DEPDC5: variants seen among roughly 807,000 people sequenced by gnomAD.
The protein encoded by DEPDC5 is GATOR1 complex protein DEPDC5.
DEPDC5 carries 73 observed loss-of-function variants against 217.3 expected under a neutral mutation model. The observed-to-expected ratio is 0.34, with a 90% CI of 0.28 to 0.41. DEPDC5 has a LOEUF of 0.41. DEPDC5 is among the 10% of genes least tolerant of loss of function. The probability of loss-of-function intolerance (pLI) is 1.00; values close to 1 mark genes in which losing one functional copy is unlikely to be tolerated. For synonymous variants in DEPDC5, 733 were observed against 756.7 expected (o/e 0.97, Z 0.51); for missense variants, 1,675 against 2,070.1 (o/e 0.81, Z 3.70).
Position 31,778,171 on chromosome 22 carries a change from A to C in DEPDC5, c.483+3A>C, listed in dbSNP as rs1458285125. ...GCTACATCAGTGAAGATACCAGGGT[A>C]AGATTTATAAAATGCTTTTTTGGTT... is the stretch of plus-strand genomic sequence containing the variant. On this transcript the variant is annotated splice_donor_region_variant and intron_variant, in intron 8 of 42. Coordinates refer to ENST00000651528, the MANE Select transcript of DEPDC5 (RefSeq NM_001242896.3). 6.2e-7 allele frequency: 1 copy of C among 1,614,014 alleles called. No individual in the cohort carries two copies. Among genetic ancestry groups the C allele is most frequent in the Non-Finnish European group, 8.5e-7 (1 of 1,179,886 alleles).
intron 33 of DEPDC5, among the ~76,000 whole-genome samples, chr22:31,864,526 T>TATATATATATATATATATATATATATATA (rs1335760559): frequency 3.4e-5 from 4 of 117,866 alleles, no homozygotes; most frequent in East Asian, 2.3e-4. Flanking sequence ...ATATATATAT[T>TATATATATATATATATATATATATATATA]TATATATTTA....
intron 24 of DEPDC5, among the ~76,000 whole-genome samples, chr22:31,823,910 C>G (rs1422764175): frequency 1.3e-5 from 2 of 152,048 alleles, no homozygotes; most frequent in Admixed American, 1.3e-4. Context: ...GAGCTTGGAT[C>G]AGTAGGGGCA....
intron 24 of DEPDC5, among the ~76,000 whole-genome samples, chr22:31,823,532 CAAAAAAAAAA>C (rs375009177): frequency 0.07 from 3,660 of 52,262 alleles, 59 homozygotes; most frequent in African/African-American, 0.12. Context: ...GACTCCATCT[CAAAAAAAAAA>C]AAAAAAAAAA....
chr22:31,794,603 G>T (rs2086035223), intron 12 of DEPDC5, among the ~76,000 whole-genome samples: 1 of 152,012 alleles, frequency 6.6e-6, no homozygotes, highest in African/African-American at 2.4e-5. Context: ...TCACAAAATA[G>T]GCCAGGCGTG....
intron 12 of DEPDC5, among the ~76,000 whole-genome samples, chr22:31,795,287 C>G (rs1430063579): frequency 6.6e-6 from 1 of 151,874 alleles, no homozygotes; most frequent in Non-Finnish European, 1.5e-5. Flanking sequence ...CCAGGCTGGT[C>G]TTGAACTCCT....
At chr22:31,755,962 T>A (rs1460739804) in intron 2 of DEPDC5, among the ~76,000 whole-genome samples, 1 of 151,506 alleles carries the variant, frequency 6.6e-6, no homozygotes, top group Non-Finnish European at 1.5e-5. Context: ...AACCTCCACC[T>A]CCCAGGTTCA....
At chr22:31,813,419 T>G (rs1185275833) in intron 20 of DEPDC5, among the ~76,000 whole-genome samples, 1 of 152,198 alleles carries the variant, frequency 6.6e-6, no homozygotes, top group Non-Finnish European at 1.5e-5. Context: ...AAGCGTATAC[T>G]GGTGTTTAAA....
chr22:31,847,077 T>A, intron 31 of DEPDC5, 110 bp downstream of exon 31: 1 of 1,482,218 alleles, frequency 6.7e-7, no homozygotes, highest in Admixed American at 2.0e-5. Flanking sequence ...GAGCTTGTAA[T>A]TAGGGAGAAG....
chr22:31,847,648 A>T (rs2091818451), intron 31 of DEPDC5, among the ~76,000 whole-genome samples: 1 of 152,160 alleles, frequency 6.6e-6, no homozygotes, highest in African/African-American at 2.4e-5. Context: ...AACTGCCCCC[A>T]TGATTAATTT....
In DEPDC5 at chr22:31,843,746, G is replaced by A. The variant is rs781159677; in HGVS notation, c.2735G>A (p.Arg912Gln). The change falls in exon 29 of 43, where the codon CGG (arginine) becomes CAG (glutamine). Residue 912 changes from arginine to glutamine, a missense_variant. Physicochemically the swap from Arg to Gln is conservative, Grantham distance 43. This residue lies in a region of DEPDC5 where 293 missense variants were observed against 386.1 expected (regional missense o/e 0.76). Transcript: ENST00000651528. ...TGCTGGGTGGAATTCTCCCACGAACGGCTGGAGGAGTACAAGTGGAATTAC... is the reference window on the plus strand; with the variant it reads ...TGCTGGGTGGAATTCTCCCACGAACAGCTGGAGGAGTACAAGTGGAATTAC... The part of the protein sequence containing the change: ...VSCWVEFSHE[R>Q]LEEYKWNYLD... 2.2e-5 allele frequency: 36 copies of A among 1,614,054 alleles called. 1 individual carries two copies. Among genetic ancestry groups the A allele is most frequent in the South Asian group, 3.3e-5 (3 of 91,068 alleles).
At position 31,768,859 on chromosome 22, in the gene DEPDC5, A is replaced by G; in HGVS notation, c.409A>G (p.Ile137Val). The change falls in exon 7 of 43, where the codon ATC (isoleucine) becomes GTC (valine). Residue 137 changes from isoleucine (I) to valine (V), a missense_variant. This residue lies in a region of DEPDC5 where 628 missense variants were observed against 762.1 expected (regional missense o/e 0.82). Transcript: ENST00000651528. ...CACCCAGAAGGTGGAGTTTGCTGGC[A>G]TCAGGTAGATATTACATCACTCTTG... ...YITQKVEFAG[I>V]RAQAGELWVK... is the part of the protein sequence containing the mutation. 6.2e-7 allele frequency: 1 copy of G among 1,613,812 alleles called. No individual in the cohort carries two copies. Among genetic ancestry groups the G allele is most frequent in the Non-Finnish European group, 8.5e-7 (1 of 1,179,920 alleles).
At chr22:31,887,131 G>C (rs2093336293) in intron 38 of DEPDC5, among the ~76,000 whole-genome samples, 1 of 149,780 alleles carries the variant, frequency 6.7e-6, no homozygotes, top group Admixed American at 6.7e-5. Flanking sequence ...AGAAAAGTAA[G>C]TCATAGGCCG....
intron 2 of DEPDC5, among the ~76,000 whole-genome samples, chr22:31,757,726 G>A (rs1813902394): frequency 6.6e-6 from 1 of 152,108 alleles, no homozygotes; most frequent in African/African-American, 2.4e-5. Flanking sequence ...TAGTAGAGGG[G>A]CAGGGGTAGA....
At chr22:31,795,065 ATTTTTTTTTTT>A (rs983604458) in intron 12 of DEPDC5, among the ~76,000 whole-genome samples, 1 of 107,370 alleles carries the variant, frequency 9.3e-6, no homozygotes, top group Admixed American at 1.1e-4. Context: ...ATTCCATGTG[ATTTTTTTTTTT>A]TTTTTTTTTT....
intron 33 of DEPDC5, among the ~76,000 whole-genome samples, chr22:31,866,453 T>G (rs2092691803): frequency 6.6e-6 from 1 of 152,158 alleles, no homozygotes; most frequent in African/African-American, 2.4e-5. Flanking sequence ...TGGCGTGATC[T>G]CAGCTCACTG....
intron 24 of DEPDC5, among the ~76,000 whole-genome samples, chr22:31,824,357 A>C (rs1177782731): frequency 1.3e-5 from 2 of 152,160 alleles, no homozygotes; most frequent in East Asian, 3.9e-4. Flanking sequence ...AAAAGAAAAA[A>C]AAAAAGAAAG....
intron 22 of DEPDC5, 87 bp downstream of exon 22, chr22:31,819,312 G>T (rs1321146163): frequency 1.3e-5 from 18 of 1,432,540 alleles, no homozygotes; most frequent in Non-Finnish European, 1.5e-5. Flanking sequence ...CCTTGGTCAG[G>T]TGCCTCTGTT....
intron 14 of DEPDC5, among the ~76,000 whole-genome samples, chr22:31,799,578 G>T (rs1246717403): frequency 6.7e-6 from 1 of 149,030 alleles, no homozygotes; most frequent in East Asian, 2.0e-4. Context: ...CGCCTCCCAG[G>T]TTCAAGTGAT....
Position 31,758,601 on chromosome 22 carries a change from T to G in DEPDC5, c.114T>G (p.Ile38Met), listed in dbSNP as rs566463688. 24 of 1,614,108 alleles carry G rather than the reference T, an allele frequency of 1.5e-5. No homozygotes were observed. The African/African-American group carries it at 2.8e-4, about 19-fold the overall frequency. The change falls in exon 3 of 43, where the codon ATT (isoleucine) becomes ATG (methionine). Residue 38 changes from isoleucine (I) to methionine (M), a missense_variant. Ile to Met is a conservative substitution (Grantham distance 10). This residue lies in a region of DEPDC5 where 628 missense variants were observed against 762.1 expected (regional missense o/e 0.82). Transcript: ENST00000651528. The stretch of plus-strand genomic sequence containing the variant: ...TCCCTCACATCAAGCTTGGAGACAT[T>G]GTAGAGATTGCACACCCCAACGATG... ...KVFPHIKLGD[I>M]VEIAHPNDEY...
Sources: gnomAD v4.1 joint callset for allele counts (sites outside exome capture counted in the v4.1 genomes callset) on GRCh38, gnomAD v4.1.1 for gene constraint, gnomAD v4.1.1 regional missense constraint, MANE v1.5 for transcripts, NCBI Gene and HGNC (gene_info 2026-07-23, HGNC 2026-07-21) for gene names.